The following ARPC2 variants were observed in gnomAD, a reference collection of about 807,000 sequenced individuals.
ARPC2 encodes actin related protein 2/3 complex subunit 2, also known as actin-related protein 2/3 complex subunit 2.
ARPC2 carries 4 observed loss-of-function variants against 38.6 expected under a neutral mutation model. That is an observed-to-expected ratio of 0.10 (90% CI 0.05 to 0.24). ARPC2 has a LOEUF of 0.24. Ranked by LOEUF, ARPC2 falls within the 10% of genes least tolerant of loss-of-function variation. The pLI is 1.00. For synonymous variants in ARPC2, 125 were observed against 140.8 expected (o/e 0.89, Z 0.79); for missense variants, 229 against 387.3 (o/e 0.59, Z 3.43).
At chr2:218,230,282 T>TTTTTC in intron 4 of ARPC2, among the ~76,000 whole-genome samples, 1 of 140,410 alleles carries the variant, frequency 7.1e-6, no homozygotes, top group Admixed American at 7.2e-5. Context: ...TTTTCTTTTT[T>TTTTTC]TTTTCTTTTT....
rs558212136 is a variant in ARPC2 at position 218,234,299 on chromosome 2, T to C, written c.223-53T>C. On this transcript the variant is annotated intron_variant, in intron 4 of 10. Coordinates refer to ENST00000315717, the MANE Select transcript of ARPC2 (RefSeq NM_152862.3). ...TGCAGTACTTTAAAAATAATGAAAT[T>C]ATCATGGCCTTTGGATTAACGTATT... 9 of 1,393,006 alleles carry C rather than the reference T, an allele frequency of 6.5e-6. No homozygotes were observed. In the South Asian group the frequency reaches 1.1e-4, roughly 17 times the overall value. The allele number at this position is 1,393,006 out of a possible 1,614,324, so 86.3% of individuals were successfully genotyped here. A position where few individuals can be genotyped will look rare whatever the true frequency, so the allele number is the denominator to read the frequency against.
chr2:218,245,417 C>T lies in ARPC2; in HGVS notation c.550-3C>T, dbSNP rs777661502. ...TCTGGTTGCTTTTGCTTTGTCTTGG[C>T]AGGAGTTCAAAGAAGGACGCAGAGC... On this transcript the variant is annotated splice_region_variant and splice_polypyrimidine_tract_variant and intron_variant, in intron 7 of 10. Coordinates refer to ENST00000315717, the MANE Select transcript of ARPC2 (RefSeq NM_152862.3). The T allele has an allele frequency of 3.1e-6, 5 of 1,614,008 alleles. No homozygotes were observed. In the East Asian group the frequency reaches 6.7e-5, roughly 22 times the overall value.
At chr2:218,219,441 C>T (rs1689335652) in intron 2 of ARPC2, among the ~76,000 whole-genome samples, 1 of 151,978 alleles carries the variant, frequency 6.6e-6, no homozygotes, top group South Asian at 2.1e-4. Flanking sequence ...CCTCGCCCTC[C>T]CAGGCTCAAG....
intron 5 of ARPC2, among the ~76,000 whole-genome samples, chr2:218,238,088 A>G (rs1451782809): frequency 1.2e-4 from 18 of 152,204 alleles, no homozygotes; most frequent in South Asian, 1.0e-3. Context: ...AAATTGTACA[A>G]TATATACCAA....
intron 5 of ARPC2, chr2:218,234,666 C>T (rs551650640): frequency 3.9e-6 from 2 of 508,414 alleles, no homozygotes; most frequent in South Asian, 4.1e-5. Context: ...ATCTTTCAGC[C>T]AGAGGGCCAC....
At chr2:218,246,249 G>A (rs918888862) in intron 8 of ARPC2, among the ~76,000 whole-genome samples, 1 of 151,504 alleles carries the variant, frequency 6.6e-6, no homozygotes, top group Non-Finnish European at 1.5e-5. Flanking sequence ...GAGGCTGGGT[G>A]CGGTGTCTCA....
chr2:218,243,596 G>A (rs1689965027), intron 7 of ARPC2, among the ~76,000 whole-genome samples: 1 of 152,186 alleles, frequency 6.6e-6, no homozygotes, highest in African/African-American at 2.4e-5. Context: ...CCAACATGGT[G>A]AAACCCTGTT....
At chr2:218,253,830 T>C (rs1227482408) in intron 10 of ARPC2, 61 bp from the exon 11 acceptor site, 1 of 1,592,516 alleles carries the variant, frequency 6.3e-7, no homozygotes, top group African/African-American at 1.3e-5. Flanking sequence ...AGTCTAGGAG[T>C]GTGGGGTGGG....
intron 3 of ARPC2, among the ~76,000 whole-genome samples, chr2:218,228,162 T>G (rs1402753380): frequency 6.6e-6 from 1 of 152,058 alleles, no homozygotes; most frequent in Non-Finnish European, 1.5e-5. Flanking sequence ...CCCAGCACTT[T>G]GGGAGGCTGA....
At chr2:218,231,702 A>T (rs563746414) in intron 4 of ARPC2, among the ~76,000 whole-genome samples, 2 of 152,342 alleles carry the variant, frequency 1.3e-5, no homozygotes, top group South Asian at 4.1e-4. Flanking sequence ...TAGGAACTAC[A>T]GGTGGCATTA....
At chr2:218,219,770 C>A (rs555108327) in intron 2 of ARPC2, among the ~76,000 whole-genome samples, 4 of 152,122 alleles carry the variant, frequency 2.6e-5, no homozygotes, top group Admixed American at 1.3e-4. Flanking sequence ...CCCATCTCCC[C>A]CTTTGAGATG....
chr2:218,242,286 T>C (rs1689933851), intron 7 of ARPC2, among the ~76,000 whole-genome samples: 1 of 152,214 alleles, frequency 6.6e-6, no homozygotes, highest in Admixed American at 6.5e-5. Context: ...TGAAAAGCAA[T>C]AGGACCAGTA....
chr2:218,239,529 T>A lies in ARPC2; in HGVS notation c.549+45T>A, dbSNP rs933587323. 5 of 1,457,294 alleles carry A rather than the reference T, an allele frequency of 3.4e-6. No individual in the cohort carries two copies. The South Asian group carries it at 5.7e-5, about 17-fold the overall frequency. The allele number at this position is 1,457,294 out of a possible 1,614,324, so 90.3% of individuals were successfully genotyped here. ...GGGGAAACCCATGCATGGCGACTTA[T>A]ACCTTTGCACCCAAACATACCATGA... On this transcript the variant is annotated intron_variant, in intron 7 of 10. Coordinates refer to ENST00000315717, the MANE Select transcript of ARPC2 (RefSeq NM_152862.3).
intron 10 of ARPC2, among the ~76,000 whole-genome samples, chr2:218,252,018 G>A (rs1690203998): frequency 6.6e-6 from 1 of 152,070 alleles, no homozygotes; most frequent in African/African-American, 2.4e-5. Flanking sequence ...GTCAGGAGTT[G>A]GAGACCTCCA....
At chr2:218,230,954 G>A (rs1383090762) in intron 4 of ARPC2, among the ~76,000 whole-genome samples, 1 of 152,104 alleles carries the variant, frequency 6.6e-6, no homozygotes, top group Non-Finnish European at 1.5e-5. Flanking sequence ...TCTTACGATG[G>A]AGCTCCAGAA....
In ARPC2 at chr2:218,249,386, T is replaced by C. The variant is rs1465929477; in HGVS notation, c.699T>C (p.Asn233=). The C allele has an allele frequency of 6.2e-7, 1 of 1,613,302 alleles. No homozygotes were observed. The highest frequency in any genetic ancestry group is 8.5e-7 in the Non-Finnish European group (1 of 1,179,702). Residue 233 remains asparagine (N), a synonymous_variant, in exon 9 of 11, where the codon AAT becomes AAC. Coordinates refer to ENST00000315717, the MANE Select transcript of ARPC2 (RefSeq NM_152862.3). ...CAGTGCTGTTCCCTCGTCACACCAA[T>C]GCCAGTGCTCGAGACAACACCATCA... ...ITFVLFPRHT[N]ASARDNTINL... is the part of the protein sequence containing the mutation.
In ARPC2 at chr2:218,228,402, C is replaced by CA. The variant is rs879894821; in HGVS notation, c.110-323dup. Among the ~76,000 whole-genome samples the CA allele has an allele frequency of 1.4e-3, 197 of 137,856 alleles. 1 individual carries two copies. The highest frequency in any genetic ancestry group is 9.5e-3 in the South Asian group (41 of 4,328). The allele number at this position is 137,856 out of a possible 152,430, so 90.4% of individuals were successfully genotyped here. ...TGGGTGACAGAGTAAGACTCTATCT[C>CA]AAAAAAAAAAAAATCGTTGAAGCCT... On this transcript the variant is annotated intron_variant, in intron 3 of 10. Coordinates refer to ENST00000315717, the MANE Select transcript of ARPC2 (RefSeq NM_152862.3).
intron 1 of ARPC2, 37 bp downstream of exon 1, chr2:218,217,291 G>A (rs1163465132): frequency 6.4e-6 from 4 of 620,832 alleles, no homozygotes; most frequent in Non-Finnish European, 1.2e-5. Flanking sequence ...CAGTCTGCGT[G>A]CGTGGGCCAG....
chr2:218,228,682 G>T, intron 3 of ARPC2, 56 bp from the exon 4 acceptor site: 1 of 1,120,922 alleles, frequency 8.9e-7, no homozygotes. Flanking sequence ...TAGGCGCTTG[G>T]AGAGATTATT....
Sources: gnomAD v4.1 joint callset for allele counts (sites outside exome capture counted in the v4.1 genomes callset) on GRCh38, gnomAD v4.1.1 for gene constraint, MANE v1.5 for transcripts, NCBI Gene and HGNC (gene_info 2026-07-23, HGNC 2026-07-21) for gene names.